ADGB: variants seen among roughly 807,000 people sequenced by gnomAD.
The protein encoded by ADGB is calpain-7-like protein.
In ADGB, 172 loss-of-function variants were observed where a neutral mutation model predicts 210.5. That is an observed-to-expected ratio of 0.82 (90% CI 0.72 to 0.93). The LOEUF (loss-of-function observed/expected upper bound fraction) is 0.93, where lower values mean the gene tolerates loss of function less well. Ranked by LOEUF, ADGB falls within the 40% of genes least tolerant of loss-of-function variation. The pLI, the probability that ADGB is intolerant of heterozygous loss-of-function variation, is 0.00. For missense variants in ADGB, 2,025 were observed against 1,964.8 expected, an observed-to-expected ratio of 1.03 and a Z score of -0.58; for synonymous variants, 658 against 662.7, an observed-to-expected ratio of 0.99 and a Z score of 0.11.
Position 146,644,849 on chromosome 6 carries a change from AT to A in ADGB, c.315del (p.Asp105GlufsTer9). ...LKIYSWKRPQ[D>X]ILFSQTPVVV... ...ATTTATTCCTGGAAACGTCCACAAG[AT>A]ATTTTATTTAGTCAGGTAAGAAAGT... On this transcript the variant is annotated frameshift_variant, in exon 3 of 36. Coordinates refer to ENST00000397944, the MANE Select transcript of ADGB (RefSeq NM_024694.4). LOFTEE classifies it high-confidence loss of function. 1 of 1,487,430 alleles carries A rather than the reference AT, an allele frequency of 6.7e-7. No individual in the cohort carries two copies. The highest frequency in any genetic ancestry group is 8.9e-7 in the Non-Finnish European group (1 of 1,117,408). 92.1% of individuals were successfully genotyped at this position (1,487,430 alleles called of 1,614,324 possible).
At chr6:146,694,569 C>T (rs1776379308) in intron 12 of ADGB, among the ~76,000 whole-genome samples, 1 of 152,170 alleles carries the variant, frequency 6.6e-6, no homozygotes, top group East Asian at 1.9e-4. Flanking sequence ...TCCCCTTCAT[C>T]TAGCAAGTAG....
rs145460219 is a variant in ADGB at position 146,719,761 on chromosome 6, T to C, written c.1993-1642T>C. On this transcript the variant is annotated intron_variant, in intron 16 of 35. Transcript: ENST00000397944. ...GCAGGCCCTTGAAAATGACAGAAAA[T>C]GAGCTCCGGGCAGAAACTCCTCCTC... Among the ~76,000 whole-genome samples, 66 of 151,538 alleles carry C rather than the reference T, an allele frequency of 4.4e-4. 1 individual carries two copies. The highest frequency in any genetic ancestry group is 1.6e-3 in the African/African-American group (65 of 41,240).
intron 1 of ADGB, among the ~76,000 whole-genome samples, chr6:146,626,409 C>CTGCT (rs1383579774): frequency 6.6e-6 from 1 of 151,706 alleles, no homozygotes; most frequent in Non-Finnish European, 1.5e-5. Context: ...CATTTTTCTT[C>CTGCT]TGCTTGAGGC....
chr6:146,772,423 T>TTATA (rs146190439), intron 29 of ADGB, among the ~76,000 whole-genome samples: 65,029 of 145,228 alleles, frequency 0.45, 15,881 homozygotes, highest in Admixed American at 0.58. Flanking sequence ...ATTATATTTA[T>TTATA]TATATATATA....
chr6:146,653,617 T>C (rs554962490), intron 3 of ADGB, among the ~76,000 whole-genome samples: 1 of 152,028 alleles, frequency 6.6e-6, no homozygotes, highest in Admixed American at 6.6e-5. Context: ...AGGGAGAGGA[T>C]CAGGAAAAAT....
At chr6:146,762,001 A>C (rs553956652) in intron 27 of ADGB, among the ~76,000 whole-genome samples, 2 of 151,982 alleles carry the variant, frequency 1.3e-5, no homozygotes, top group Admixed American at 6.6e-5. Context: ...ATGTTTTACC[A>C]TTTTTCTGTC....
chr6:146,649,077 C>CA, intron 3 of ADGB, among the ~76,000 whole-genome samples: 1 of 151,226 alleles, frequency 6.6e-6, no homozygotes, highest in Admixed American at 6.6e-5. Context: ...TTTATGTACT[C>CA]AATTTTTTAT....
intron 28 of ADGB, among the ~76,000 whole-genome samples, chr6:146,766,390 G>A (rs1777573579): frequency 2.0e-5 from 3 of 151,572 alleles, no homozygotes; most frequent in Admixed American, 2.0e-4. Context: ...TTGTACCACT[G>A]CATTCCAGGC....
chr6:146,794,441 A>C (rs553149891), intron 33 of ADGB, among the ~76,000 whole-genome samples: 255 of 152,178 alleles, frequency 1.7e-3, no homozygotes, highest in African/African-American at 5.9e-3. Context: ...GTTTATCATG[A>C]TTTTGTATAT....
chr6:146,788,293 C>A, intron 32 of ADGB, 96 bp from the exon 33 acceptor site: 1 of 1,116,928 alleles, frequency 9.0e-7, no homozygotes, highest in South Asian at 1.4e-5. Context: ...GAGTCATCTG[C>A]TCTAAATCTG....
At chr6:146,763,228 G>A (rs536336101) in intron 27 of ADGB, among the ~76,000 whole-genome samples, 1 of 152,196 alleles carries the variant, frequency 6.6e-6, no homozygotes, top group Non-Finnish European at 1.5e-5. Flanking sequence ...ATATTTTCCG[G>A]TGGCTAAAAA....
chr6:146,799,411 G>A (rs1778091318), intron 33 of ADGB, among the ~76,000 whole-genome samples: 1 of 151,932 alleles, frequency 6.6e-6, no homozygotes, highest in Non-Finnish European at 1.5e-5. Context: ...GCACGTGCCT[G>A]TAATCCCAGC....
chr6:146,678,370 G>A (rs886629308), intron 9 of ADGB, among the ~76,000 whole-genome samples: 6 of 152,154 alleles, frequency 3.9e-5, no homozygotes, highest in African/African-American at 1.2e-4. Context: ...GGGACTGCAG[G>A]CGCATGCCAT....
intron 25 of ADGB, among the ~76,000 whole-genome samples, chr6:146,745,292 T>C (rs566319014): frequency 2.6e-5 from 4 of 152,322 alleles, no homozygotes; most frequent in Non-Finnish European, 4.4e-5. Flanking sequence ...TATGATATCA[T>C]GCTTTTGATT....
rs1256181667 is a variant in ADGB at position 146,745,999 on chromosome 6, C to A, written c.3255C>A (p.Ile1085=). 2.6e-6 allele frequency: 4 copies of A among 1,551,206 alleles called. No individual in the cohort carries two copies. The Admixed American group carries it at 5.9e-5, about 23-fold the overall frequency. ...VAASRWKLRL[I]GSSAPLPCLS... Reference sequence around the variant, plus strand: ...CCTCACGATGGAAACTGCGTCTCATCGGTTCTTCTGCTCCACTGCCATGCC... The same window carrying A: ...CCTCACGATGGAAACTGCGTCTCATAGGTTCTTCTGCTCCACTGCCATGCC... Residue 1085 remains isoleucine (I), a synonymous_variant, in exon 26 of 36, where the codon ATC becomes ATA. Transcript: ENST00000397944.
At chr6:146,625,734 C>T (rs1780962185) in intron 1 of ADGB, among the ~76,000 whole-genome samples, 1 of 152,204 alleles carries the variant, frequency 6.6e-6, no homozygotes, top group East Asian at 1.9e-4. Context: ...GATGCCAGCA[C>T]CATGCTTCCT....
chr6:146,692,704 T>C (rs1776347118), intron 11 of ADGB, 121 bp from the exon 12 acceptor site: 2 of 488,016 alleles, frequency 4.1e-6, no homozygotes, highest in Admixed American at 7.6e-5. Flanking sequence ...TATTTCACAC[T>C]ATTGAAATTT....
At chr6:146,692,741 C>T in intron 11 of ADGB, 84 bp from the exon 12 acceptor site, 2 of 682,192 alleles carry the variant, frequency 2.9e-6, no homozygotes, top group Non-Finnish European at 2.5e-6. Context: ...ATCTATCCAG[C>T]ACTGTATTAA....
intron 23 of ADGB, 75 bp from the exon 24 acceptor site, chr6:146,740,384 A>T: frequency 2.3e-6 from 3 of 1,306,116 alleles, no homozygotes; most frequent in Admixed American, 2.7e-5. Context: ...ATTTTTTGTC[A>T]TTTCTTTTTG....
Sources: gnomAD v4.1 joint callset for allele counts (sites outside exome capture counted in the v4.1 genomes callset) on GRCh38, gnomAD v4.1.1 for gene constraint, MANE v1.5 for transcripts, NCBI Gene and HGNC (gene_info 2026-07-23, HGNC 2026-07-21) for gene names.